The following FGL1 variants were observed in gnomAD, a reference collection of about 807,000 sequenced individuals.
The protein encoded by FGL1 is fibrinogen like 1.
A neutral mutation model predicts 43.7 loss-of-function variants in FGL1; 59 were observed. The observed-to-expected ratio is 1.35, with a 90% CI of 1.10 to 1.68. FGL1 has a LOEUF of 1.68. Among genes scored for constraint, FGL1 ranks in the 40% most tolerant of loss-of-function variants. The probability of loss-of-function intolerance (pLI) is 0.00; values close to 1 mark genes in which losing one functional copy is unlikely to be tolerated. For missense variants in FGL1, 596 were observed against 373.0 expected, an observed-to-expected ratio of 1.60 and a Z score of -4.92; for synonymous variants, 192 against 126.5, an observed-to-expected ratio of 1.52 and a Z score of -3.48.
intron 5 of FGL1, among the ~76,000 whole-genome samples, chr8:17,872,646 T>G (rs549899572): frequency 1.3e-5 from 2 of 152,282 alleles, no homozygotes; most frequent in East Asian, 3.9e-4. Flanking sequence ...CATGCTTTTT[T>G]GGGCATTACA....
chr8:17,878,503 C>A (rs564661840), intron 3 of FGL1, among the ~76,000 whole-genome samples: 5 of 152,276 alleles, frequency 3.3e-5, no homozygotes, highest in African/African-American at 1.2e-4. Flanking sequence ...ATGCTGGAGC[C>A]AGTGGTGTTG....
At chr8:17,868,777 A>T (rs1038584602) in intron 6 of FGL1, 42 bp from the exon 7 acceptor site, 1 of 1,545,166 alleles carries the variant, frequency 6.5e-7, no homozygotes, top group East Asian at 2.3e-5. Flanking sequence ...GAGTTCCTCT[A>T]TGACCATTTT....
At chr8:17,871,770 G>C (rs374952212) in intron 5 of FGL1, among the ~76,000 whole-genome samples, 1 of 152,148 alleles carries the variant, frequency 6.6e-6, no homozygotes, top group Admixed American at 6.5e-5. Flanking sequence ...GGATACGTGG[G>C]TGGGGGCCCA....
chr8:17,874,148 C>T, intron 4 of FGL1, 32 bp from the exon 5 acceptor site: 1 of 1,564,144 alleles, frequency 6.4e-7, no homozygotes, highest in Non-Finnish European at 8.8e-7. Flanking sequence ...CCGATTAGAG[C>T]AAACTCCATT....
intron 1 of FGL1, among the ~76,000 whole-genome samples, chr8:17,889,154 A>C (rs1320355267): frequency 6.6e-6 from 1 of 152,176 alleles, no homozygotes; most frequent in Non-Finnish European, 1.5e-5. Context: ...GCCCATCATC[A>C]AGGGGACAAG....
chr8:17,875,539 T>TCTCTCTCTCTCTCTC (rs1563452393), intron 3 of FGL1, among the ~76,000 whole-genome samples: 7 of 14,696 alleles, frequency 4.8e-4, no homozygotes, highest in African/African-American at 1.4e-3. Context: ...TTCTTTCTCT[T>TCTCTCTCTCTCTCTC]TCTTTCTTTC....
At chr8:17,867,294 G>C (rs1175383816) in intron 7 of FGL1, among the ~76,000 whole-genome samples, 4 of 152,182 alleles carry the variant, frequency 2.6e-5, no homozygotes, top group South Asian at 4.1e-4. Context: ...CAAACTGAAA[G>C]ACATGATATA....
At chr8:17,882,416 GA>G (rs2053551369) in intron 2 of FGL1, 1 of 377,854 alleles carries the variant, frequency 2.6e-6, no homozygotes, top group Non-Finnish European at 4.8e-6. Context: ...AAAATAATTG[GA>G]ATCGCTATGC....
At chr8:17,870,708 C>G (rs2053345140) in intron 5 of FGL1, among the ~76,000 whole-genome samples, 1 of 152,156 alleles carries the variant, frequency 6.6e-6, no homozygotes, top group Non-Finnish European at 1.5e-5. Flanking sequence ...GAGATCGAGA[C>G]CATCCTGGCC....
chr8:17,883,203 A>T (rs1365880445), intron 2 of FGL1, among the ~76,000 whole-genome samples: 1 of 96,156 alleles, frequency 1.0e-5, no homozygotes, highest in Non-Finnish European at 1.8e-5. Flanking sequence ...TAATATATTA[A>T]ATAATATATA....
At chr8:17,874,721 T>C (rs1002701141) in intron 3 of FGL1, 200 bp from the exon 4 acceptor site, 1 of 381,066 alleles carries the variant, frequency 2.6e-6, no homozygotes, top group Non-Finnish European at 4.6e-6. Flanking sequence ...ATTTGCCACC[T>C]GAATCCTTGA....
chr8:17,885,820 T>C (rs1240362224), intron 1 of FGL1: 1 of 431,998 alleles, frequency 2.3e-6, no homozygotes, highest in Non-Finnish European at 4.1e-6. Context: ...GCTATCCTAA[T>C]GTGCTGTTTG....
intron 1 of FGL1, among the ~76,000 whole-genome samples, chr8:17,892,480 T>C (rs2053718836): frequency 6.6e-6 from 1 of 151,746 alleles, no homozygotes; most frequent in African/African-American, 2.4e-5. Context: ...AGAGGGAAAA[T>C]TGTTTGCCTA....
chr8:17,891,910 G>T (rs1292165169), intron 1 of FGL1: 2 of 388,878 alleles, frequency 5.1e-6, no homozygotes, highest in Non-Finnish European at 7.0e-6. Flanking sequence ...AGCTTATTTT[G>T]GTTTTAAAAG....
At chr8:17,873,111 A>G (rs990965511) in intron 5 of FGL1, among the ~76,000 whole-genome samples, 1 of 152,142 alleles carries the variant, frequency 6.6e-6, no homozygotes, top group Non-Finnish European at 1.5e-5. Context: ...AATAGCACCA[A>G]TTGCCCAATT....
At chr8:17,878,777 A>G (rs1355007025) in intron 3 of FGL1, among the ~76,000 whole-genome samples, 1 of 152,084 alleles carries the variant, frequency 6.6e-6, no homozygotes, top group Non-Finnish European at 1.5e-5. Flanking sequence ...GTAACTTGTA[A>G]ATAAGAAGAA....
intron 5 of FGL1, among the ~76,000 whole-genome samples, chr8:17,871,430 T>C (rs2053358267): frequency 6.6e-6 from 1 of 151,274 alleles, no homozygotes; most frequent in African/African-American, 2.4e-5. Context: ...GAGTCAGCGG[T>C]TTTAGTGAGC....
intron 5 of FGL1, among the ~76,000 whole-genome samples, chr8:17,869,718 G>T (rs1328357569): frequency 6.6e-6 from 1 of 152,164 alleles, no homozygotes; most frequent in Non-Finnish European, 1.5e-5. Flanking sequence ...ATTCTCAATG[G>T]CAGAGATGAT....
At chr8:17,873,941 C>A (rs571679676) in intron 5 of FGL1, 78 bp downstream of exon 5, 1 of 933,836 alleles carries the variant, frequency 1.1e-6, no homozygotes, top group Non-Finnish European at 1.6e-6. Context: ...AGTTCCATTG[C>A]CTATAATTTG....
Sources: allele counts gnomAD v4.1 joint callset (sites outside exome capture counted in the v4.1 genomes callset), GRCh38; gene constraint gnomAD v4.1.1; transcripts MANE v1.5; gene names NCBI Gene and HGNC (gene_info 2026-07-23, HGNC 2026-07-21).